NCKAP5: variants seen among roughly 807,000 people sequenced by gnomAD.
The protein encoded by NCKAP5 is nck-associated protein 5.
In NCKAP5, 92 loss-of-function variants were observed where a neutral mutation model predicts 167.0. The observed-to-expected ratio is 0.55, with a 90% CI of 0.47 to 0.66. NCKAP5 has a LOEUF of 0.66. NCKAP5 is among the 30% of genes least tolerant of loss of function. The pLI is 0.00. For missense variants in NCKAP5, 2,378 were observed against 2,315.0 expected (o/e 1.03, Z -0.56); for synonymous variants, 891 against 877.4 (o/e 1.02, Z -0.27).
At chr2:132,968,387 G>A (rs530412931) in intron 7 of NCKAP5, among the ~76,000 whole-genome samples, 39 of 152,236 alleles carry the variant, frequency 2.6e-4, no homozygotes, top group African/African-American at 8.2e-4. Context: ...CAGTTTTTAC[G>A]GTGGTTCAGA....
At chr2:133,577,046 T>C in the NCKAP5 span, among the ~76,000 whole-genome samples, 1 of 152,162 alleles carries the variant, frequency 6.6e-6, no homozygotes, top group Non-Finnish European at 1.5e-5. Flanking sequence ...AGGCAACTCA[T>C]AGAAATGCAT....
chr2:133,475,504 C>T (rs1033317713), intron 3 of NCKAP5, among the ~76,000 whole-genome samples: 1 of 152,102 alleles, frequency 6.6e-6, no homozygotes, highest in East Asian at 1.9e-4. Flanking sequence ...TTCTTATTTT[C>T]TAATGTAGTA....
chr2:132,936,195 T>C (rs1696838786), intron 8 of NCKAP5, among the ~76,000 whole-genome samples: 1 of 152,162 alleles, frequency 6.6e-6, no homozygotes, highest in Admixed American at 6.5e-5. Flanking sequence ...TTGGCCAGGC[T>C]GGTCAGGAAC....
chr2:132,878,478 A>G (rs1383093125), intron 9 of NCKAP5, among the ~76,000 whole-genome samples: 2 of 152,154 alleles, frequency 1.3e-5, no homozygotes, highest in East Asian at 3.9e-4. Context: ...GGTTCTTCTC[A>G]TTCATTGGAA....
intron 11 of NCKAP5, among the ~76,000 whole-genome samples, chr2:132,806,363 G>A (rs781658246): frequency 6.6e-6 from 1 of 152,034 alleles, no homozygotes; most frequent in Non-Finnish European, 1.5e-5. Flanking sequence ...GTTTTCCATA[G>A]TGGTTGTACT....
At chr2:133,539,987 T>C (rs994928949) in intron 2 of NCKAP5, among the ~76,000 whole-genome samples, 2 of 152,138 alleles carry the variant, frequency 1.3e-5, no homozygotes, top group African/African-American at 4.8e-5. Context: ...GAGACCATCC[T>C]GGCTAACACA....
chr2:132,877,889 A>T (rs914091283), intron 9 of NCKAP5, among the ~76,000 whole-genome samples: 12 of 152,220 alleles, frequency 7.9e-5, no homozygotes, highest in African/African-American at 2.4e-4. Context: ...AAGGTACTGG[A>T]ACCAGACGAA....
At chr2:133,180,654 G>A (rs1278196670) in intron 5 of NCKAP5, among the ~76,000 whole-genome samples, 3 of 151,992 alleles carry the variant, frequency 2.0e-5, no homozygotes, top group Admixed American at 6.6e-5. Flanking sequence ...GTTAAAGAAA[G>A]TTTTCTAAAT....
chr2:132,683,856 G>T (rs1685585822), intron 19 of NCKAP5, among the ~76,000 whole-genome samples: 1 of 152,094 alleles, frequency 6.6e-6, no homozygotes, highest in Non-Finnish European at 1.5e-5. Flanking sequence ...ATTCTTAGAG[G>T]CAGCAATGAG....
intron 6 of NCKAP5, among the ~76,000 whole-genome samples, chr2:133,102,025 A>G (rs2081530456): frequency 6.6e-6 from 1 of 152,240 alleles, no homozygotes; most frequent in African/African-American, 2.4e-5. Flanking sequence ...AAGACTGGAA[A>G]AGTGATTTTC....
At chr2:132,812,588 T>A (rs1685965576) in intron 11 of NCKAP5, among the ~76,000 whole-genome samples, 1 of 152,136 alleles carries the variant, frequency 6.6e-6, no homozygotes, top group Non-Finnish European at 1.5e-5. Context: ...CAACATAGTA[T>A]GCTGTGGGAA....
Position 133,237,980 on chromosome 2 carries a change from T to A in NCKAP5, c.144-24201A>T, listed in dbSNP as rs950234422. ...AAGGCACGGGTCCTGCAGGAGGTGT[T>A]TCTGGCTGTTACAAGCACGGGAAGG... On this transcript the variant is annotated intron_variant, in intron 4 of 19. Coordinates refer to ENST00000409261, the MANE Select transcript of NCKAP5 (RefSeq NM_207363.3). 3.3e-5 allele frequency among the ~76,000 whole-genome samples: 5 copies of A among 152,260 alleles called. No homozygotes were observed. The East Asian group carries it at 9.7e-4, about 29-fold the overall frequency.
intron 3 of NCKAP5, among the ~76,000 whole-genome samples, chr2:133,338,099 T>C (rs1245580672): frequency 6.6e-6 from 1 of 152,182 alleles, no homozygotes; most frequent in Non-Finnish European, 1.5e-5. Flanking sequence ...AAGGATAAGC[T>C]GAATTATATG....
At chr2:133,442,396 C>T (rs1168037502) in intron 3 of NCKAP5, among the ~76,000 whole-genome samples, 1 of 152,194 alleles carries the variant, frequency 6.6e-6, no homozygotes, top group East Asian at 1.9e-4. Flanking sequence ...TGAGACCCAG[C>T]CTTCCCTGTA....
intron 1 of NCKAP5, among the ~76,000 whole-genome samples, chr2:133,564,839 GAA>G (rs1365437109): frequency 6.6e-6 from 1 of 152,162 alleles, no homozygotes; most frequent in Admixed American, 6.5e-5. Flanking sequence ...GAGTCAAGTG[GAA>G]ATGAAGGCAT....
At chr2:133,166,917 C>T (rs896978366) in intron 5 of NCKAP5, among the ~76,000 whole-genome samples, 1 of 152,186 alleles carries the variant, frequency 6.6e-6, no homozygotes. Flanking sequence ...GGTTTATGAT[C>T]AGCAGGCTAC....
intron 3 of NCKAP5, among the ~76,000 whole-genome samples, chr2:133,452,065 A>C (rs966836403): frequency 3.3e-5 from 5 of 152,166 alleles, no homozygotes; most frequent in African/African-American, 1.2e-4. Flanking sequence ...AGTCCCCTGA[A>C]ACAGCTTACC....
chr2:133,639,075 G>C, the NCKAP5 span, among the ~76,000 whole-genome samples: 1 of 152,068 alleles, frequency 6.6e-6, no homozygotes. Flanking sequence ...ATAAGACACA[G>C]CATGATCAAT....
intron 5 of NCKAP5, among the ~76,000 whole-genome samples, chr2:133,130,400 T>G (rs565566978): frequency 1.3e-5 from 2 of 152,326 alleles, no homozygotes; most frequent in African/African-American, 4.8e-5. Flanking sequence ...GAGAGCATCC[T>G]GTGAAGAACT....
Sources: allele counts gnomAD v4.1 joint callset (sites outside exome capture counted in the v4.1 genomes callset), GRCh38; gene constraint gnomAD v4.1.1; transcripts MANE v1.5; gene names NCBI Gene and HGNC (gene_info 2026-07-23, HGNC 2026-07-21).